Variants in LRP1-AS observed in about 807,000 individuals in gnomAD.
LRP1-AS encodes the protein LRP1 antisense RNA.
intron 1 of LRP1-AS, chr12:57,145,196 C>T (rs758574006): frequency 2.2e-5 from 35 of 1,613,648 alleles, no homozygotes. Context: ...AGAGCCCTGG[C>T]TGCACGGACT....
chr12:57,145,533 G>A (rs764271428), intron 1 of LRP1-AS: 2 of 1,600,142 alleles, frequency 1.2e-6, no homozygotes, highest in Non-Finnish European at 8.5e-7. Context: ...GGAGGGTAGG[G>A]GAGACAGGGA....
chr12:57,147,400 C>T (rs1311906673), intron 1 of LRP1-AS: 7 of 152,574 alleles, frequency 4.6e-5, no homozygotes, highest in Admixed American at 4.6e-4. Context: ...GCTGACTGGC[C>T]TGCCCTGGTG....
intron 1 of LRP1-AS, chr12:57,146,549 T>A (rs2035410171): frequency 6.6e-6 from 1 of 152,098 alleles, no homozygotes; most frequent in Non-Finnish European, 1.5e-5. Flanking sequence ...TCCCAGGAGG[T>A]TACAAGGGAT....
chr12:57,145,269 A>C (rs1398990187), intron 1 of LRP1-AS: 1 of 1,614,162 alleles, frequency 6.2e-7, no homozygotes. Flanking sequence ...GCCAACTCCC[A>C]GAACATCTTG....
chr12:57,144,784 T>C, exon 2 of LRP1-AS: 1 of 626,312 alleles, frequency 1.6e-6, no homozygotes. Flanking sequence ...CGAGTGTTTC[T>C]CTAGAGTGGA....
At chr12:57,147,070 C>T (rs117110347) in intron 1 of LRP1-AS, among the ~76,000 whole-genome samples, 1 of 151,872 alleles carries the variant, frequency 6.6e-6, no homozygotes, top group African/African-American at 2.4e-5. Flanking sequence ...TGGTACCCCT[C>T]CCTTGGCAAA....
chr12:57,144,663 T>G (rs1251547176), exon 2 of LRP1-AS: 2 of 369,504 alleles, frequency 5.4e-6, no homozygotes, highest in East Asian at 4.8e-5. Flanking sequence ...AATATAAGTT[T>G]CATGAGGACA....
intron 1 of LRP1-AS, chr12:57,145,156 C>T (rs1056483741): frequency 1.2e-5 from 20 of 1,613,396 alleles, no homozygotes; most frequent in Non-Finnish European, 1.6e-5. Context: ...ATGCTGTTCC[C>T]TGGTGGGTGG....
chr12:57,147,071 C>A (rs992050304), intron 1 of LRP1-AS, among the ~76,000 whole-genome samples: 8 of 152,132 alleles, frequency 5.3e-5, no homozygotes, highest in Admixed American at 3.3e-4. Context: ...GGTACCCCTC[C>A]CTTGGCAAAC....
chr12:57,144,717 C>T (rs2035363954), exon 2 of LRP1-AS: 1 of 519,760 alleles, frequency 1.9e-6, no homozygotes, highest in Non-Finnish European at 3.5e-6. Context: ...ACCCCTGGCA[C>T]CTGACCCATA....
At chr12:57,145,469 A>G (rs1208647746) in intron 1 of LRP1-AS, 1 of 1,613,814 alleles carries the variant, frequency 6.2e-7, no homozygotes, top group African/African-American at 1.3e-5. Context: ...GCACACCATC[A>G]ACATCTCCCT....
chr12:57,145,003 C>T, exon 2 of LRP1-AS: 1 of 1,614,118 alleles, frequency 6.2e-7, no homozygotes, highest in Non-Finnish European at 8.5e-7. Flanking sequence ...ACGGCACCTG[C>T]AGCCAGCTAT....
chr12:57,144,727 A>T, exon 2 of LRP1-AS: 2 of 541,508 alleles, frequency 3.7e-6, no homozygotes, highest in Non-Finnish European at 3.3e-6. Flanking sequence ...CCTGACCCAT[A>T]GTAGGGACTC....
rs751669827 is a variant in LRP1-AS at position 57,145,373 on chromosome 12, G to A, written n.182-290C>T. The A allele has an allele frequency of 2.3e-5, 37 of 1,614,050 alleles. No individual in the cohort carries two copies. The highest frequency in any genetic ancestry group is 2.7e-5 in the Non-Finnish European group (32 of 1,180,046). ...GGACTTCAGCTATGCCAACGAGACC[G>A]TATGCTGGGTGCATGTTGGGGACAG... On this transcript the variant is annotated intron_variant and non_coding_transcript_variant, in intron 1 of 1. Coordinates refer to ENST00000555461, the Ensembl canonical transcript of LRP1-AS.
chr12:57,145,994 T>G (rs1005418096), intron 1 of LRP1-AS, among the ~76,000 whole-genome samples: 35 of 152,154 alleles, frequency 2.3e-4, no homozygotes, highest in African/African-American at 8.0e-4. Context: ...ACTGAGGTTA[T>G]TTCTCTGTGG....
chr12:57,146,508 C>G lies in LRP1-AS; in HGVS notation n.181+931G>C, dbSNP rs1158965946. ...GCCTCTCTAGAAGATCTTCAAGTTTCTTTATTTGGTTCTTGTGATGAAAAG... is the reference window on the plus strand; with the variant it reads ...GCCTCTCTAGAAGATCTTCAAGTTTGTTTATTTGGTTCTTGTGATGAAAAG... On this transcript the variant is annotated intron_variant and non_coding_transcript_variant, in intron 1 of 1. Transcript: ENST00000555461. 4 of 152,252 alleles carry G rather than the reference C, an allele frequency of 2.6e-5. No homozygotes were observed. The South Asian group carries it at 8.3e-4, about 32-fold the overall frequency. 9.4% of individuals were successfully genotyped at this position (152,252 alleles called of 1,614,324 possible).
Position 57,145,557 on chromosome 12 carries a change from C to T in LRP1-AS, n.182-474G>A. ...GGGAGACAGGGAAGGTGGACCCTAT[C>T]TTGAACAGAGGCCGGGAGTTACACA... is the stretch of plus-strand genomic sequence containing the variant. On this transcript the variant is annotated intron_variant and non_coding_transcript_variant, in intron 1 of 1. Coordinates refer to ENST00000555461, the Ensembl canonical transcript of LRP1-AS. 7.6e-6 allele frequency: 12 copies of T among 1,569,672 alleles called. No individual in the cohort carries two copies. In the South Asian group the frequency reaches 1.3e-4, roughly 17 times the overall value.
intron 1 of LRP1-AS, chr12:57,147,303 A>T (rs892061732): frequency 6.6e-6 from 1 of 151,534 alleles, no homozygotes; most frequent in Non-Finnish European, 1.5e-5. Flanking sequence ...TCTCCCACAA[A>T]CTAATTATGG....
intron 1 of LRP1-AS, chr12:57,145,192 C>G: frequency 1.2e-6 from 2 of 1,613,780 alleles, no homozygotes; most frequent in Non-Finnish European, 1.7e-6. Flanking sequence ...TCCTAGAGCC[C>G]TGGCTGCACG....
Sources: allele counts gnomAD v4.1 joint callset (sites outside exome capture counted in the v4.1 genomes callset), GRCh38; gene constraint gnomAD v4.1.1; transcripts MANE v1.5; gene names NCBI Gene and HGNC (gene_info 2026-07-23, HGNC 2026-07-21).